The following CRADD variants were observed in gnomAD, a reference collection of about 807,000 sequenced individuals.
CRADD encodes the protein CARD and death domain containing adaptor protein.
Under a neutral mutation model 15.5 loss-of-function variants are expected in CRADD, and 9 were observed. The observed-to-expected ratio is 0.58, with a 90% CI of 0.35 to 1.01. The LOEUF is 1.01. Among genes scored for constraint, CRADD ranks in the 50% least tolerant of loss-of-function variants. The pLI is 0.02. For missense variants in CRADD, 227 were observed against 250.3 expected, an observed-to-expected ratio of 0.91 and a Z score of 0.63; for synonymous variants, 118 against 107.6, an observed-to-expected ratio of 1.10 and a Z score of -0.60.
Position 93,850,169 on chromosome 12 carries a change from T to C in CRADD, c.498T>C (p.Arg166=), listed in dbSNP as rs754694826. 23 of 1,613,738 alleles carry C rather than the reference T, an allele frequency of 1.4e-5. No homozygotes were observed. Among genetic ancestry groups the C allele is most frequent in the Non-Finnish European group, 1.9e-5 (23 of 1,179,806 alleles). Residue 166 remains arginine, a synonymous_variant, in exon 3 of 3, where the codon CGT becomes CGC. Coordinates refer to ENST00000332896, the MANE Select transcript of CRADD (RefSeq NM_003805.5). This position sits in a 1 kb window ranked among gnomAD's most constrained non-coding sequence, Gnocchi z 4.0. Reference sequence around the variant, plus strand: ...CGCAGGTGGTGGAGGCCTTCATCCGTTGGCGGCAGCGCTTCGGGAAGCAGG... The same window carrying C: ...CGCAGGTGGTGGAGGCCTTCATCCGCTGGCGGCAGCGCTTCGGGAAGCAGG... ...VQSQVVEAFI[R]WRQRFGKQAT...
intron 2 of CRADD, among the ~76,000 whole-genome samples, chr12:93,813,791 A>G (rs1957656348): frequency 6.6e-6 from 1 of 152,154 alleles, no homozygotes; most frequent in African/African-American, 2.4e-5. Context: ...AGGGAGCAGG[A>G]TGAGCTTAGA....
chr12:93,760,450 CT>C (rs1226957963), intron 2 of CRADD, among the ~76,000 whole-genome samples: 1 of 152,070 alleles, frequency 6.6e-6, no homozygotes, highest in Non-Finnish European at 1.5e-5. Flanking sequence ...TTAGTTCTTG[CT>C]TTTGTTTTGT....
In CRADD at chr12:93,696,704, T is replaced by C. The variant is rs549679085; in HGVS notation, c.298+17632T>C. Among the ~76,000 whole-genome samples the C allele has an allele frequency of 5.9e-5, 9 of 152,100 alleles. No individual in the cohort carries two copies. The East Asian group carries it at 9.7e-4, about 16-fold the overall frequency. The stretch of plus-strand genomic sequence containing the variant: ...TAATTAACAACCTACAGTTGGCCCT[T>C]TGTATCTATGGATTCAACCAACCAC... On this transcript the variant is annotated intron_variant, in intron 2 of 2. Transcript: ENST00000332896.
chr12:93,845,496 C>T (rs1040079837), intron 2 of CRADD, among the ~76,000 whole-genome samples: 4 of 151,792 alleles, frequency 2.6e-5, no homozygotes, highest in South Asian at 2.1e-4. Flanking sequence ...GGCTGGGTCA[C>T]GAGGATCAGT....
At chr12:93,881,441 G>T (rs7301714) in intron 2 of CRADD, among the ~76,000 whole-genome samples, 27,400 of 90,978 alleles carry the variant, frequency 0.3, 3,955 homozygotes, top group African/African-American at 0.56. Context: ...AAAAAGTGTG[G>T]GGGGGGGGTG....
chr12:93,709,405 C>G (rs577819149), intron 2 of CRADD, among the ~76,000 whole-genome samples: 15 of 152,306 alleles, frequency 9.8e-5, no homozygotes, highest in Admixed American at 7.2e-4. Context: ...GCTCCTCTCC[C>G]TCTTCCTACC....
At chr12:93,686,319 A>AAAAAAG (rs1955440210) in intron 2 of CRADD, among the ~76,000 whole-genome samples, 1 of 151,190 alleles carries the variant, frequency 6.6e-6, no homozygotes, top group Non-Finnish European at 1.5e-5. Context: ...AAAAAAAAAA[A>AAAAAAG]AAAAAAGAAA....
chr12:93,753,751 C>A lies in CRADD; in HGVS notation c.298+74679C>A, dbSNP rs551489898. On this transcript the variant is annotated intron_variant, in intron 2 of 2. Transcript: ENST00000332896. ...GGATGTAAGAGGTGGTCTCCCACAA[C>A]TTTGGGCAGCTCTGCCTCTGTGGCT... 2.0e-5 allele frequency among the ~76,000 whole-genome samples: 3 copies of A among 152,362 alleles called. No individual in the cohort carries two copies. The East Asian group carries it at 5.8e-4, about 29-fold the overall frequency.
At chr12:93,807,150 C>T (rs1210032295) in intron 2 of CRADD, among the ~76,000 whole-genome samples, 1 of 152,168 alleles carries the variant, frequency 6.6e-6, no homozygotes. Context: ...CAAAGGCTCT[C>T]AGGCAGTTTC....
intron 2 of CRADD, among the ~76,000 whole-genome samples, chr12:93,712,998 A>G (rs960573768): frequency 6.6e-6 from 1 of 152,092 alleles, no homozygotes; most frequent in African/African-American, 2.4e-5. Flanking sequence ...TCAATCTGGG[A>G]CCATAGAGCT....
chr12:93,778,345 C>T (rs528987465), intron 2 of CRADD, among the ~76,000 whole-genome samples: 1 of 151,994 alleles, frequency 6.6e-6, no homozygotes, highest in Non-Finnish European at 1.5e-5. Context: ...TGATTCAGAG[C>T]GCGAGGGAAA....
intron 2 of CRADD, among the ~76,000 whole-genome samples, chr12:93,818,647 G>T (rs1484373338): frequency 6.6e-6 from 1 of 152,178 alleles, no homozygotes; most frequent in Non-Finnish European, 1.5e-5. Context: ...GGGGGCAAGG[G>T]GTGGGGCGAG....
chr12:93,792,178 C>T (rs2136986421), intron 2 of CRADD, among the ~76,000 whole-genome samples: 1 of 152,128 alleles, frequency 6.6e-6, no homozygotes, highest in Non-Finnish European at 1.5e-5. Context: ...AATAGAATGT[C>T]TTAGGGGAGA....
At chr12:93,841,806 G>A (rs768883224) in intron 2 of CRADD, among the ~76,000 whole-genome samples, 1 of 152,156 alleles carries the variant, frequency 6.6e-6, no homozygotes, top group Non-Finnish European at 1.5e-5. Flanking sequence ...CGGCTGTGCT[G>A]GAACGGGACA....
intron 2 of CRADD, among the ~76,000 whole-genome samples, chr12:93,779,258 G>C (rs1415474663): frequency 6.6e-6 from 1 of 152,178 alleles, no homozygotes; most frequent in African/African-American, 2.4e-5. Context: ...CAATGAGATG[G>C]AAATACTACC....
intron 2 of CRADD, among the ~76,000 whole-genome samples, chr12:93,816,470 G>A (rs1252048881): frequency 6.8e-6 from 1 of 147,036 alleles, no homozygotes; most frequent in African/African-American, 2.5e-5. Flanking sequence ...CAAGTCATCT[G>A]CCTGCCTCAG....
chr12:93,893,948 G>A (rs1173586338), intron 2 of CRADD: 1 of 680,324 alleles, frequency 1.5e-6, no homozygotes, highest in Non-Finnish European at 2.7e-6. Flanking sequence ...TTCCTACGTT[G>A]TTTGACCTAG....
At chr12:93,840,470 A>C (rs1958033635) in intron 2 of CRADD, among the ~76,000 whole-genome samples, 1 of 151,772 alleles carries the variant, frequency 6.6e-6, no homozygotes, top group Non-Finnish European at 1.5e-5. Flanking sequence ...TAATCCTGAT[A>C]TTTTTCTATG....
At chr12:93,723,793 TCA>T (rs1273858258) in intron 2 of CRADD, among the ~76,000 whole-genome samples, 1 of 152,190 alleles carries the variant, frequency 6.6e-6, no homozygotes, top group Non-Finnish European at 1.5e-5. Flanking sequence ...ACTGTGAACT[TCA>T]CAGTGTTTCT....
Sources: gnomAD v4.1 joint callset for allele counts (sites outside exome capture counted in the v4.1 genomes callset) on GRCh38, gnomAD v4.1.1 for gene constraint, Gnocchi (gnomAD v3.1) non-coding constraint, MANE v1.5 for transcripts, NCBI Gene and HGNC (gene_info 2026-07-23, HGNC 2026-07-21) for gene names.